Variants in ADGRD1 observed in about 807,000 individuals in gnomAD.
ADGRD1 encodes the protein G-protein coupled receptor 133.
Under a neutral mutation model 113.4 loss-of-function variants are expected in ADGRD1, and 77 were observed. The observed-to-expected ratio is 0.68, with a 90% CI of 0.57 to 0.82. The LOEUF (loss-of-function observed/expected upper bound fraction) is 0.82, where lower values mean the gene tolerates loss of function less well. Among genes scored for constraint, ADGRD1 ranks in the 40% least tolerant of loss-of-function variants. The pLI is 0.00. For synonymous variants in ADGRD1, 474 were observed against 475.0 expected (o/e 1.00, Z 0.03); for missense variants, 1,036 against 1,139.1 (o/e 0.91, Z 1.30).
At chr12:131,014,140 T>C (rs1878268285) in intron 12 of ADGRD1, 59 bp from the exon 13 acceptor site, 5 of 1,559,118 alleles carry the variant, frequency 3.2e-6, no homozygotes, top group Non-Finnish European at 4.4e-6. Flanking sequence ...GCCTAGGTTC[T>C]AGCTGTGTGC....
chr12:131,002,602 C>T, intron 9 of ADGRD1: 4 of 1,060,660 alleles, frequency 3.8e-6, no homozygotes, highest in Non-Finnish European at 4.6e-6. Flanking sequence ...GGATGAGGGC[C>T]CCCTGCTTTC....
chr12:130,973,197 A>G (rs1871896062), intron 4 of ADGRD1: 1 of 152,120 alleles, frequency 6.6e-6, no homozygotes. Context: ...TCGACTCTTC[A>G]ATAATCTTCA....
chr12:131,053,950 T>G lies in ADGRD1; in HGVS notation c.1474-22851T>G, dbSNP rs773040391. On this transcript the variant is annotated intron_variant, in intron 13 of 24. Transcript: ENST00000261654. ...TTGCATTTCCCTGATTACCTGTGAGTGTGAGCATCTCTCACCTGGTTATAG... is the reference window on the plus strand; with the variant it reads ...TTGCATTTCCCTGATTACCTGTGAGGGTGAGCATCTCTCACCTGGTTATAG... Among the ~76,000 whole-genome samples, 185 of 152,302 alleles carry G rather than the reference T, an allele frequency of 1.2e-3. 2 individuals carry two copies. Among genetic ancestry groups the G allele is most frequent in the Non-Finnish European group, 2.4e-3 (162 of 68,032 alleles).
intron 4 of ADGRD1, among the ~76,000 whole-genome samples, chr12:130,979,287 T>G (rs1387487296): frequency 6.6e-6 from 1 of 152,202 alleles, no homozygotes; most frequent in African/African-American, 2.4e-5. Context: ...TTCCAATTTT[T>G]TTGAGGTTCT....
At chr12:131,042,873 T>A (rs998046427) in intron 13 of ADGRD1, among the ~76,000 whole-genome samples, 1 of 152,262 alleles carries the variant, frequency 6.6e-6, no homozygotes, top group African/African-American at 2.4e-5. Context: ...TGATTTCACA[T>A]GAAATCTGCA....
chr12:131,019,328 C>T (rs1266259759), intron 13 of ADGRD1, among the ~76,000 whole-genome samples: 1 of 152,176 alleles, frequency 6.6e-6, no homozygotes, highest in Non-Finnish European at 1.5e-5. Flanking sequence ...CGCAGGAGGC[C>T]TTTCCAGCAG....
At chr12:131,101,341 T>C (rs1950069091) in intron 15 of ADGRD1, among the ~76,000 whole-genome samples, 1 of 150,590 alleles carries the variant, frequency 6.6e-6, no homozygotes. Context: ...ATTTTTCTTC[T>C]TTTCTTTCTT....
intron 18 of ADGRD1, among the ~76,000 whole-genome samples, chr12:131,114,848 G>T (rs1950427221): frequency 6.6e-6 from 1 of 152,190 alleles, no homozygotes; most frequent in Non-Finnish European, 1.5e-5. Context: ...CCACAAGGTA[G>T]CCAGGAGGGC....
intron 18 of ADGRD1, among the ~76,000 whole-genome samples, chr12:131,116,096 G>T (rs998419463): frequency 6.6e-6 from 1 of 152,160 alleles, no homozygotes; most frequent in Non-Finnish European, 1.5e-5. Context: ...CCCCACAAAC[G>T]CACTCACCCA....
rs74531002 is a variant in ADGRD1 at position 131,088,443 on chromosome 12, A to G, written c.1671+3780A>G. 2.2e-3 allele frequency among the ~76,000 whole-genome samples: 332 copies of G among 152,344 alleles called. 4 individuals carry two copies. Among genetic ancestry groups the G allele is most frequent in the African/African-American group, 7.8e-3 (324 of 41,584 alleles). On this transcript the variant is annotated intron_variant, in intron 15 of 24. Transcript: ENST00000261654. ...TAGGCTCTAAAACGCAGTCCTGGTG[A>G]TGCCGGAGCTGTTTGAAAGACGGAA...
intron 5 of ADGRD1, among the ~76,000 whole-genome samples, chr12:130,985,734 T>C (rs1309439753): frequency 6.6e-6 from 1 of 152,144 alleles, no homozygotes; most frequent in African/African-American, 2.4e-5. Context: ...TGTATTTTTG[T>C]GGAGACGGGG....
At chr12:131,000,557 G>A (rs1876234811) in intron 9 of ADGRD1, 115 bp downstream of exon 9, 5 of 727,250 alleles carry the variant, frequency 6.9e-6, no homozygotes, top group Non-Finnish European at 1.2e-5. Context: ...CCTGGCCAAT[G>A]TGGCAAAACC....
chr12:130,994,127 A>C (rs1874847188), intron 8 of ADGRD1: 22 of 318,236 alleles, frequency 6.9e-5, no homozygotes, highest in South Asian at 5.4e-4. Context: ...AAGGCTGCCC[A>C]GTGTGGGAGC....
At position 131,022,079 on chromosome 12, in the gene ADGRD1, C is replaced by G. The variant is rs1348015316; in HGVS notation, c.1473+7739C>G. On this transcript the variant is annotated intron_variant, in intron 13 of 24. Transcript: ENST00000261654. This position sits in a 1 kb window ranked among gnomAD's most constrained non-coding sequence, Gnocchi z 4.6. ...AATGACCTCATTTTATCTTAATCAC[C>G]CCTTCAAAGACCCTGACTCCAAACA... 6.6e-6 allele frequency among the ~76,000 whole-genome samples: 1 copy of G among 152,048 alleles called. No homozygotes were observed. Among genetic ancestry groups the G allele is most frequent in the Non-Finnish European group, 1.5e-5 (1 of 68,000 alleles).
At chr12:131,088,453 T>A (rs1455450983) in intron 15 of ADGRD1, among the ~76,000 whole-genome samples, 1 of 152,206 alleles carries the variant, frequency 6.6e-6, no homozygotes. Flanking sequence ...ATGCCGGAGC[T>A]GTTTGAAAGA....
intron 15 of ADGRD1, among the ~76,000 whole-genome samples, chr12:131,087,824 G>GA (rs1322491079): frequency 1.3e-5 from 2 of 152,218 alleles, no homozygotes; most frequent in Non-Finnish European, 2.9e-5. Flanking sequence ...GGAGGGCCAT[G>GA]ACCTGGATCA....
At chr12:130,960,626 A>C (rs945697273) in intron 2 of ADGRD1, among the ~76,000 whole-genome samples, 1 of 148,470 alleles carries the variant, frequency 6.7e-6, no homozygotes. Flanking sequence ...CTAACATTAA[A>C]AATTTGGGAG....
chr12:131,104,199 C>T (rs1566112854), intron 15 of ADGRD1, among the ~76,000 whole-genome samples: 1 of 152,178 alleles, frequency 6.6e-6, no homozygotes. Flanking sequence ...CAGGCGGCAG[C>T]CATTGTGCGG....
At position 131,123,039 on chromosome 12, in the gene ADGRD1, G is replaced by GTTTTTTTT. The variant is rs552353187; in HGVS notation, c.2175+2153_2175+2160dup. Among the ~76,000 whole-genome samples the GTTTTTTTT allele has an allele frequency of 1.6e-3, 84 of 51,370 alleles. 1 individual carries two copies. Among genetic ancestry groups the GTTTTTTTT allele is most frequent in the Middle Eastern group, 0.013 (1 of 78 alleles). The allele number at this position is 51,370 out of a possible 152,430, so 33.7% of individuals were successfully genotyped here. On this transcript the variant is annotated intron_variant, in intron 20 of 24. Transcript: ENST00000261654. ...ATTACATAATTGAATTACCTGGGGA[G>GTTTTTTTT]TTTTTTTTTTTTTTTTTTTTTTTTT...
Sources: allele counts gnomAD v4.1 joint callset (sites outside exome capture counted in the v4.1 genomes callset), GRCh38; gene constraint gnomAD v4.1.1; non-coding constraint Gnocchi (gnomAD v3.1); transcripts MANE v1.5; gene names NCBI Gene and HGNC (gene_info 2026-07-23, HGNC 2026-07-21).